Variants in GREB1 observed in about 807,000 individuals in gnomAD.
GREB1 encodes the protein protein GREB1.
A neutral mutation model predicts 200.7 loss-of-function variants in GREB1; 106 were observed. That is an observed-to-expected ratio of 0.53 (90% confidence interval 0.45 to 0.62). GREB1 has a LOEUF of 0.62. Among genes scored for constraint, GREB1 ranks in the 20% least tolerant of loss-of-function variants. GREB1 has a pLI of 0.00. For missense variants in GREB1, 2,243 were observed against 2,556.8 expected, an observed-to-expected ratio of 0.88 and a Z score of 2.65; for synonymous variants, 1,132 against 1,092.4, an observed-to-expected ratio of 1.04 and a Z score of -0.72.
intron 1 of GREB1, among the ~76,000 whole-genome samples, chr2:11,508,220 A>G (rs187904608): frequency 4.6e-5 from 7 of 152,188 alleles, no homozygotes; most frequent in African/African-American, 1.7e-4. Flanking sequence ...CCCTGGTCCA[A>G]TTTCTATCCC....
chr2:11,509,574 G>A (rs1468663346), intron 1 of GREB1, among the ~76,000 whole-genome samples: 1 of 152,116 alleles, frequency 6.6e-6, no homozygotes, highest in Non-Finnish European at 1.5e-5. Flanking sequence ...GCTACGGTTT[G>A]AATGTTGGTG....
chr2:11,497,474 A>G (rs777175036), intron 1 of GREB1, among the ~76,000 whole-genome samples: 1 of 152,206 alleles, frequency 6.6e-6, no homozygotes, highest in South Asian at 2.1e-4. Flanking sequence ...TGTAATTTCT[A>G]TGGGATAAAT....
intron 1 of GREB1, among the ~76,000 whole-genome samples, chr2:11,496,867 T>G (rs1415282125): frequency 1.3e-5 from 2 of 152,188 alleles, no homozygotes; most frequent in Admixed American, 6.5e-5. Context: ...TTATTTTTTA[T>G]TTTTTTGAGT....
intron 8 of GREB1, 41 bp downstream of exon 8, chr2:11,585,315 A>G: frequency 1.6e-6 from 2 of 1,277,242 alleles, no homozygotes; most frequent in Non-Finnish European, 2.2e-6. Flanking sequence ...AGACTTGGGT[A>G]CTGGTGGTAG....
intron 4 of GREB1, among the ~76,000 whole-genome samples, chr2:11,569,494 G>A (rs1446676050): frequency 6.6e-6 from 1 of 152,200 alleles, no homozygotes; most frequent in South Asian, 2.1e-4. Flanking sequence ...GATGGGAATG[G>A]GAGGATGTGG....
intron 1 of GREB1, among the ~76,000 whole-genome samples, chr2:11,516,195 G>A (rs532161483): frequency 1.4e-4 from 22 of 152,224 alleles, no homozygotes; most frequent in Non-Finnish European, 2.6e-4. Context: ...AATGAACCCA[G>A]CTTTTTCTCC....
At chr2:11,620,221 C>T (rs1410526343) in intron 22 of GREB1, among the ~76,000 whole-genome samples, 1 of 152,070 alleles carries the variant, frequency 6.6e-6, no homozygotes, top group Non-Finnish European at 1.5e-5. Flanking sequence ...GTGATCCGCC[C>T]GCCTCAGCCT....
chr2:11,496,827 T>A (rs552482930), intron 1 of GREB1, among the ~76,000 whole-genome samples: 1 of 152,324 alleles, frequency 6.6e-6, no homozygotes, highest in African/African-American at 2.4e-5. Context: ...AGTTCCACCC[T>A]GATAAAAACC....
At chr2:11,584,621 C>T (rs1286164921) in intron 7 of GREB1, among the ~76,000 whole-genome samples, 2 of 152,198 alleles carry the variant, frequency 1.3e-5, no homozygotes, top group East Asian at 1.9e-4. Flanking sequence ...CCCCACAATT[C>T]GTTGCACAAA....
At chr2:11,539,246 T>C (rs1235004915) in intron 1 of GREB1, among the ~76,000 whole-genome samples, 11 of 151,918 alleles carry the variant, frequency 7.2e-5, no homozygotes, top group Non-Finnish European at 1.3e-4. Flanking sequence ...AGATGTGGTC[T>C]CATTATGTTG....
Position 11,556,673 on chromosome 2 carries a change from A to G in GREB1, c.59A>G (p.Asn20Ser). 6.2e-7 allele frequency: 1 copy of G among 1,613,970 alleles called. No individual in the cohort carries two copies. The highest frequency in any genetic ancestry group is 8.5e-7 in the Non-Finnish European group (1 of 1,179,876). ...ACACGCTTTGAAGAGGTCTTGCACAATTCCATCGAGGCATCCCTGCGGTCC... is the reference window on the plus strand; with the variant it reads ...ACACGCTTTGAAGAGGTCTTGCACAGTTCCATCGAGGCATCCCTGCGGTCC... ...KTTRFEEVLH[N>S]SIEASLRSNN... Residue 20 changes from asparagine to serine, a missense_variant, in exon 2 of 33, where the codon AAT becomes AGT. Coordinates refer to ENST00000381486, the MANE Select transcript of GREB1 (RefSeq NM_014668.4).
chr2:11,605,965 C>A (rs1682245538), intron 17 of GREB1, among the ~76,000 whole-genome samples: 1 of 152,130 alleles, frequency 6.6e-6, no homozygotes, highest in African/African-American at 2.4e-5. Flanking sequence ...TGGGTAAACA[C>A]CTAGTTGTGA....
intron 1 of GREB1, among the ~76,000 whole-genome samples, chr2:11,484,472 G>T (rs372971048): frequency 3.3e-5 from 5 of 152,062 alleles, no homozygotes; most frequent in African/African-American, 1.2e-4. Context: ...AACTCAGGAG[G>T]CAGGCACGGC....
intron 18 of GREB1, chr2:11,612,124 G>A (rs1682989174): frequency 5.7e-6 from 1 of 174,996 alleles, no homozygotes; most frequent in Non-Finnish European, 1.2e-5. Context: ...AACCCTGGTG[G>A]TGGAGGTTGC....
intron 1 of GREB1, among the ~76,000 whole-genome samples, chr2:11,486,653 A>G (rs2148396603): frequency 6.6e-6 from 1 of 152,278 alleles, no homozygotes; most frequent in African/African-American, 2.4e-5. Flanking sequence ...GGGTCACCTG[A>G]GGCCAGGAGT....
chr2:11,521,792 G>A (rs562927952), intron 1 of GREB1, among the ~76,000 whole-genome samples: 70 of 152,302 alleles, frequency 4.6e-4, no homozygotes, highest in Non-Finnish European at 6.9e-4. Context: ...ACTTTGTGCC[G>A]TATTTAGAAA....
chr2:11,611,909 G>A (rs748830293), intron 18 of GREB1, among the ~76,000 whole-genome samples: 23 of 152,168 alleles, frequency 1.5e-4, no homozygotes, highest in Non-Finnish European at 2.5e-4. Flanking sequence ...ATAAGGAACA[G>A]CTGGTTGGGC....
intron 7 of GREB1, chr2:11,581,154 T>TG (rs972167003): frequency 1.7e-6 from 1 of 585,610 alleles, no homozygotes; most frequent in African/African-American, 1.9e-5. Context: ...AGTGTGTTGT[T>TG]GGGGAAGAAC....
At chr2:11,509,033 C>T (rs1324198019) in intron 1 of GREB1, among the ~76,000 whole-genome samples, 2 of 151,860 alleles carry the variant, frequency 1.3e-5, no homozygotes, top group Non-Finnish European at 2.9e-5. Context: ...CGCCACCACG[C>T]CCGGCTAATT....
Sources: gnomAD v4.1 joint callset for allele counts (sites outside exome capture counted in the v4.1 genomes callset) on GRCh38, gnomAD v4.1.1 for gene constraint, MANE v1.5 for transcripts, NCBI Gene and HGNC (gene_info 2026-07-23, HGNC 2026-07-21) for gene names.